TOPAZ1: variants seen among roughly 807,000 people sequenced by gnomAD.
The protein encoded by TOPAZ1 is protein TOPAZ1.
TOPAZ1 carries 66 observed loss-of-function variants against 172.2 expected under a neutral mutation model. The observed-to-expected ratio is 0.38, with a 90% CI of 0.31 to 0.47. TOPAZ1 has a LOEUF of 0.47. Among genes scored for constraint, TOPAZ1 ranks in the 20% least tolerant of loss-of-function variants. The pLI is 0.99. For synonymous variants in TOPAZ1, 681 were observed against 683.9 expected, an observed-to-expected ratio of 1.00 and a Z score of 0.07; for missense variants, 1,822 against 1,972.4, an observed-to-expected ratio of 0.92 and a Z score of 1.44.
chr3:44,244,005 C>T lies in TOPAZ1; in HGVS notation c.1499C>T (p.Ala500Val), dbSNP rs1282099032. 6.4e-7 allele frequency: 1 copy of T among 1,552,012 alleles called. No individual in the cohort carries two copies. The highest frequency in any genetic ancestry group is 8.7e-7 in the Non-Finnish European group (1 of 1,147,084). The change falls in exon 2 of 20, where the codon GCT (alanine) becomes GTT (valine). Residue 500 changes from alanine (A) to valine (V), a missense_variant. Physicochemically the swap from Ala to Val is moderately conservative, Grantham distance 64 (BLOSUM62 0). This residue lies in a region of TOPAZ1 where 1,489 missense variants were observed against 1,490.8 expected (regional missense o/e 1.00). Coordinates refer to ENST00000309765, the MANE Select transcript of TOPAZ1 (RefSeq NM_001145030.2). Reference sequence around the variant, plus strand: ...AGAACTTGGCCCTATTATTCATGTGCTAGAATATCTGCCTGGTGTTGGAAA... The same window carrying T: ...AGAACTTGGCCCTATTATTCATGTGTTAGAATATCTGCCTGGTGTTGGAAA... ...GKRTWPYYSC[A>V]RISAWCWKKA... is the part of the protein sequence containing the mutation.
At chr3:44,280,601 G>A (rs560596833) in intron 8 of TOPAZ1, among the ~76,000 whole-genome samples, 2 of 152,314 alleles carry the variant, frequency 1.3e-5, no homozygotes, top group South Asian at 4.1e-4. Flanking sequence ...ACCCGCCTTG[G>A]TGGGTGCTGA....
intron 12 of TOPAZ1, among the ~76,000 whole-genome samples, chr3:44,298,909 A>ATATATATATTTT (rs1287571186): frequency 2.4e-5 from 1 of 41,312 alleles, no homozygotes; most frequent in Non-Finnish European, 4.3e-5. Flanking sequence ...ATATATATAT[A>ATATATATATTTT]TTTTTTTTTT....
Position 44,243,599 on chromosome 3 carries a change from A to G in TOPAZ1, c.1093A>G (p.Met365Val), listed in dbSNP as rs1283150452. 6.4e-7 allele frequency: 1 copy of G among 1,550,704 alleles called. No homozygotes were observed. The change falls in exon 2 of 20, where the codon ATG (methionine) becomes GTG (valine). Residue 365 changes from methionine to valine, a missense_variant. Transcript: ENST00000309765. ...KSELMLQENQ[M>V]IADGKEAETK... ...TGAGTTGATGTTGCAAGAAAATCAA[A>G]TGATTGCTGATGGTAAAGAAGCAGA...
intron 17 of TOPAZ1, 59 bp downstream of exon 17, chr3:44,321,250 A>T: frequency 1.7e-6 from 2 of 1,207,582 alleles, no homozygotes; most frequent in Non-Finnish European, 2.3e-6. Context: ...TTAACTGTTA[A>T]TAAGAAATAG....
chr3:44,327,479 A>G (rs1700612794), intron 18 of TOPAZ1, among the ~76,000 whole-genome samples: 1 of 152,226 alleles, frequency 6.6e-6, no homozygotes, highest in Non-Finnish European at 1.5e-5. Context: ...AGTTTTAAAA[A>G]CATGAATTGG....
intron 2 of TOPAZ1, among the ~76,000 whole-genome samples, chr3:44,252,891 C>T (rs1415267842): frequency 6.6e-6 from 1 of 152,164 alleles, no homozygotes; most frequent in Non-Finnish European, 1.5e-5. Flanking sequence ...CTTGTCCTCA[C>T]AGTGCTTTTA....
intron 12 of TOPAZ1, among the ~76,000 whole-genome samples, chr3:44,299,957 T>TGGGGG (rs59025711): frequency 2.1e-5 from 2 of 94,308 alleles, no homozygotes; most frequent in African/African-American, 4.5e-5. Flanking sequence ...TGTTGTGGGG[T>TGGGGG]GGGGGGAGGG....
intron 16 of TOPAZ1, 68 bp downstream of exon 16, chr3:44,310,058 T>A: frequency 1.5e-6 from 2 of 1,369,572 alleles, no homozygotes; most frequent in Non-Finnish European, 2.0e-6. Context: ...TCTATGTAAT[T>A]ACCTTAAGTT....
chr3:44,266,155 T>G (rs1699828205), intron 5 of TOPAZ1, among the ~76,000 whole-genome samples: 1 of 152,234 alleles, frequency 6.6e-6, no homozygotes, highest in Admixed American at 6.5e-5. Context: ...TGTAGCTTTC[T>G]TATCACTCTC....
In TOPAZ1 at chr3:44,243,805, G is replaced by A. The variant is rs1215794301; in HGVS notation, c.1299G>A (p.Glu433=). The A allele has an allele frequency of 6.4e-7, 1 of 1,551,770 alleles. No homozygotes were observed. ...LLKEETENAS[E]PLGYESMASK... is the part of the protein sequence containing the mutation. ...AAGAAGAAACAGAGAATGCTTCAGAGCCGTTAGGTTATGAAAGCATGGCAT... is the reference window on the plus strand; with the variant it reads ...AAGAAGAAACAGAGAATGCTTCAGAACCGTTAGGTTATGAAAGCATGGCAT... Residue 433 remains glutamate (E), a synonymous_variant, in exon 2 of 20, where the codon GAG becomes GAA. Transcript: ENST00000309765.
At chr3:44,313,457 A>T (rs944660676) in intron 16 of TOPAZ1, among the ~76,000 whole-genome samples, 2 of 148,214 alleles carry the variant, frequency 1.3e-5, no homozygotes, top group Non-Finnish European at 1.5e-5. Context: ...TAAAAATATA[A>T]AAAAAAAAAA....
chr3:44,242,798 G>A, intron 1 of TOPAZ1, 55 bp from the exon 2 acceptor site: 1 of 1,319,454 alleles, frequency 7.6e-7, no homozygotes, highest in Non-Finnish European at 1.0e-6. Context: ...AATGATAATT[G>A]CATTTTCCTC....
chr3:44,242,774 C>A, intron 1 of TOPAZ1, 79 bp from the exon 2 acceptor site: 1 of 1,178,726 alleles, frequency 8.5e-7, no homozygotes, highest in Non-Finnish European at 1.2e-6. Context: ...GATAGCCTCA[C>A]AATTTTTAAT....
chr3:44,295,843 T>C (rs575872656), intron 12 of TOPAZ1, among the ~76,000 whole-genome samples: 1 of 152,226 alleles, frequency 6.6e-6, no homozygotes, highest in East Asian at 1.9e-4. Context: ...AGCAAAGATA[T>C]AGAACTAAAC....
At chr3:44,328,203 T>A in intron 18 of TOPAZ1, 47 bp from the exon 19 acceptor site, 1 of 1,265,120 alleles carries the variant, frequency 7.9e-7, no homozygotes, top group Non-Finnish European at 1.1e-6. Flanking sequence ...TCTAGGTTTT[T>A]ACCTATTGGG....
At chr3:44,321,606 T>C (rs1488771836) in intron 17 of TOPAZ1, among the ~76,000 whole-genome samples, 1 of 152,194 alleles carries the variant, frequency 6.6e-6, no homozygotes, top group Non-Finnish European at 1.5e-5. Context: ...CAAACGCCAA[T>C]GTGGGAAATG....
At chr3:44,334,629 A>G (rs1037913124), downstream of TOPAZ1, among the ~76,000 whole-genome samples, 1 of 152,158 alleles carries the variant, frequency 6.6e-6, no homozygotes, top group Non-Finnish European at 1.5e-5. Flanking sequence ...AAGAATAATG[A>G]GGAATAAAGG....
chr3:44,276,867 T>C (rs1346155517), intron 8 of TOPAZ1, among the ~76,000 whole-genome samples: 1 of 151,892 alleles, frequency 6.6e-6, no homozygotes, highest in Non-Finnish European at 1.5e-5. Flanking sequence ...CTCGGCTCAC[T>C]GCACCCTCCG....
chr3:44,288,959 G>A (rs993072678), intron 11 of TOPAZ1, among the ~76,000 whole-genome samples: 4 of 152,140 alleles, frequency 2.6e-5, no homozygotes, highest in African/African-American at 7.2e-5. Flanking sequence ...TATCATCATG[G>A]AGAAAGATGC....
Sources: gnomAD v4.1 joint callset for allele counts (sites outside exome capture counted in the v4.1 genomes callset) on GRCh38, gnomAD v4.1.1 for gene constraint, gnomAD v4.1.1 regional missense constraint, MANE v1.5 for transcripts, NCBI Gene and HGNC (gene_info 2026-07-23, HGNC 2026-07-21) for gene names.